SNX30: variants seen among roughly 807,000 people sequenced by gnomAD.
The protein encoded by SNX30 is sorting nexin-30.
In SNX30, 24 loss-of-function variants were observed where a neutral mutation model predicts 46.4. The ratio of observed to expected loss-of-function variants is 0.52; its 90% CI spans 0.37 to 0.73. The LOEUF is 0.73. Ranked by LOEUF, SNX30 falls within the 30% of genes least tolerant of loss-of-function variation. The pLI is 0.00. For missense variants in SNX30, 533 were observed against 555.7 expected (o/e 0.96, Z 0.41); for synonymous variants, 189 against 211.5 (o/e 0.89, Z 0.92).
At chr9:112,858,815 G>A (rs995049392) in intron 7 of SNX30, among the ~76,000 whole-genome samples, 20 of 152,060 alleles carry the variant, frequency 1.3e-4, no homozygotes, top group African/African-American at 4.8e-4. Flanking sequence ...CTTCCCGAGT[G>A]ACTTTTGCTG....
intron 3 of SNX30, among the ~76,000 whole-genome samples, chr9:112,819,651 G>C (rs1280530614): frequency 6.6e-6 from 1 of 152,170 alleles, no homozygotes; most frequent in African/African-American, 2.4e-5. Context: ...CTTCTTGGTT[G>C]TAACAGTTTG....
intron 1 of SNX30, among the ~76,000 whole-genome samples, chr9:112,754,533 G>A (rs1228397656): frequency 6.6e-6 from 1 of 150,632 alleles, no homozygotes; most frequent in East Asian, 2.0e-4. Flanking sequence ...AGCCTCCTGA[G>A]TAGCTGAGAT....
At chr9:112,817,077 C>T (rs964586776) in intron 2 of SNX30, among the ~76,000 whole-genome samples, 9 of 151,890 alleles carry the variant, frequency 5.9e-5, no homozygotes, top group Non-Finnish European at 1.0e-4. Flanking sequence ...TATAACAGTT[C>T]CAGGGTTGTG....
intron 1 of SNX30, among the ~76,000 whole-genome samples, chr9:112,774,928 T>C (rs1839715897): frequency 6.8e-6 from 1 of 145,990 alleles, no homozygotes; most frequent in Non-Finnish European, 1.5e-5. Context: ...CACTGCAACC[T>C]CTGCCTCCTG....
intron 8 of SNX30, among the ~76,000 whole-genome samples, chr9:112,865,018 TACC>T (rs1271368695): frequency 2.1e-5 from 3 of 142,848 alleles, no homozygotes; most frequent in South Asian, 2.3e-4. Context: ...CACACCCCAC[TACC>T]ACCACCACAC....
chr9:112,854,555 A>G (rs10817401), intron 7 of SNX30, among the ~76,000 whole-genome samples: 121,692 of 152,256 alleles, frequency 0.8, 48,826 homozygotes, highest in South Asian at 0.87. Context: ...GGGATGTTGA[A>G]CCATGCCACA....
chr9:112,821,756 G>T (rs1198863140), intron 3 of SNX30, among the ~76,000 whole-genome samples: 1 of 151,610 alleles, frequency 6.6e-6, no homozygotes, highest in Admixed American at 6.6e-5. Context: ...AAAGTGCTGG[G>T]ATTACAGGCT....
intron 1 of SNX30, among the ~76,000 whole-genome samples, chr9:112,763,362 T>TTC (rs1187659824): frequency 4.3e-4 from 21 of 48,742 alleles, no homozygotes; most frequent in African/African-American, 1.6e-3. Context: ...TATTTAAACT[T>TTC]TTTTTTTTTT....
chr9:112,864,244 C>CA lies in SNX30; in HGVS notation c.1102-2dup. 1 of 1,613,698 alleles carries CA rather than the reference C, an allele frequency of 6.2e-7. No individual in the cohort carries two copies. On this transcript the variant is annotated splice_polypyrimidine_tract_variant and splice_region_variant and intron_variant, in intron 7 of 8. Transcript: ENST00000374232. ...GGCACCCATGTGTGCCTCCCTTTTC[C>CA]AGGTACCGGCGGACGTCGAGAAATG... is the stretch of plus-strand genomic sequence containing the variant.
chr9:112,768,196 C>T (rs761069037), intron 1 of SNX30, among the ~76,000 whole-genome samples: 13 of 152,326 alleles, frequency 8.5e-5, no homozygotes, highest in Admixed American at 2.0e-4. Flanking sequence ...TGGGAAGTTA[C>T]GTCTCTGCCA....
chr9:112,858,165 C>T (rs1002139709), intron 7 of SNX30, among the ~76,000 whole-genome samples: 4 of 152,148 alleles, frequency 2.6e-5, no homozygotes, highest in African/African-American at 7.2e-5. Flanking sequence ...ATCCTTCAGA[C>T]GCATGGTAGC....
chr9:112,796,614 A>G (rs1421219401), intron 1 of SNX30, among the ~76,000 whole-genome samples: 1 of 152,172 alleles, frequency 6.6e-6, no homozygotes, highest in Admixed American at 6.5e-5. Flanking sequence ...GGGGAGGTCT[A>G]TTGCCATGAG....
chr9:112,843,932 A>G (rs897155910), intron 6 of SNX30, among the ~76,000 whole-genome samples: 5 of 152,152 alleles, frequency 3.3e-5, no homozygotes, highest in Non-Finnish European at 7.4e-5. Flanking sequence ...ACTTTATTCT[A>G]AGGACTAGAA....
At chr9:112,786,486 T>A (rs1383667787) in intron 1 of SNX30, among the ~76,000 whole-genome samples, 1 of 152,062 alleles carries the variant, frequency 6.6e-6, no homozygotes, top group African/African-American at 2.4e-5. Flanking sequence ...TGTAAGAGTT[T>A]TTTTTTCCTC....
At chr9:112,754,657 C>G (rs1215818502) in intron 1 of SNX30, among the ~76,000 whole-genome samples, 2 of 152,174 alleles carry the variant, frequency 1.3e-5, no homozygotes, top group Non-Finnish European at 2.9e-5. Flanking sequence ...CTGCCCACCT[C>G]TGCCTCCCAA....
intron 7 of SNX30, among the ~76,000 whole-genome samples, chr9:112,855,439 T>TG (rs1427387871): frequency 6.6e-6 from 1 of 152,038 alleles, no homozygotes; most frequent in African/African-American, 2.4e-5. Context: ...TTGAAAAACT[T>TG]GCGCTGGATA....
intron 1 of SNX30, among the ~76,000 whole-genome samples, chr9:112,757,648 T>G (rs565322940): frequency 6.6e-6 from 1 of 152,326 alleles, no homozygotes; most frequent in East Asian, 1.9e-4. Context: ...TTTCCCCGCG[T>G]ATATCATTTT....
At chr9:112,865,623 CCATA>C (rs1841312774) in intron 8 of SNX30, among the ~76,000 whole-genome samples, 1 of 45,256 alleles carries the variant, frequency 2.2e-5, no homozygotes, top group African/African-American at 1.1e-4. Flanking sequence ...TCCTGTCACG[CCATA>C]TATATATATA....
chr9:112,758,506 T>C (rs1839386533), intron 1 of SNX30, among the ~76,000 whole-genome samples: 1 of 151,970 alleles, frequency 6.6e-6, no homozygotes, highest in Non-Finnish European at 1.5e-5. Context: ...ATTTTTGTGT[T>C]TTTGGTAGAG....
Sources: allele counts gnomAD v4.1 joint callset (sites outside exome capture counted in the v4.1 genomes callset), GRCh38; gene constraint gnomAD v4.1.1; transcripts MANE v1.5; gene names NCBI Gene and HGNC (gene_info 2026-07-23, HGNC 2026-07-21).